Variants in ZSWIM6 observed in about 807,000 individuals in gnomAD.
The protein encoded by ZSWIM6 is zinc finger SWIM domain-containing protein 6.
ZSWIM6 carries 9 observed loss-of-function variants against 113.2 expected under a neutral mutation model. That is an observed-to-expected ratio of 0.08 (90% CI 0.05 to 0.14). ZSWIM6 has a LOEUF of 0.14. ZSWIM6 is among the 10% of genes least tolerant of loss of function. The probability of loss-of-function intolerance (pLI) is 1.00; values close to 1 mark genes in which losing one functional copy is unlikely to be tolerated. For missense variants in ZSWIM6, 1,162 were observed against 1,552.2 expected, an observed-to-expected ratio of 0.75 and a Z score of 4.22; for synonymous variants, 611 against 606.5, an observed-to-expected ratio of 1.01 and a Z score of -0.11.
chr5:61,447,416 C>A (rs754667600), intron 1 of ZSWIM6, among the ~76,000 whole-genome samples: 6 of 152,214 alleles, frequency 3.9e-5, no homozygotes, highest in Admixed American at 3.3e-4. Flanking sequence ...GCTTTCCTCT[C>A]TCAGTCAGTT....
chr5:61,340,703 G>A (rs1744524916), intron 1 of ZSWIM6, among the ~76,000 whole-genome samples: 1 of 152,248 alleles, frequency 6.6e-6, no homozygotes, highest in Non-Finnish European at 1.5e-5. Flanking sequence ...TTTTCCTACT[G>A]TTTGGGCCGT....
At chr5:61,507,678 C>T (rs1748659920) in intron 4 of ZSWIM6, among the ~76,000 whole-genome samples, 1 of 152,008 alleles carries the variant, frequency 6.6e-6, no homozygotes, top group African/African-American at 2.4e-5. Context: ...TGTAGATGGA[C>T]CTGTGTAAGT....
chr5:61,453,378 C>CTTTTTTT (rs60097146), intron 1 of ZSWIM6, among the ~76,000 whole-genome samples: 1 of 135,900 alleles, frequency 7.4e-6, no homozygotes, highest in African/African-American at 2.7e-5. Flanking sequence ...CTCTCTCTCT[C>CTTTTTTT]TTTTTTTTTT....
chr5:61,366,892 T>TA (rs1745166152), intron 1 of ZSWIM6, among the ~76,000 whole-genome samples: 3 of 147,948 alleles, frequency 2.0e-5, no homozygotes, highest in South Asian at 4.2e-4. Context: ...CTTGCCACTG[T>TA]ACTCCAGCTT....
chr5:61,437,164 A>G (rs1746726147), intron 1 of ZSWIM6, among the ~76,000 whole-genome samples: 1 of 152,210 alleles, frequency 6.6e-6, no homozygotes, highest in Non-Finnish European at 1.5e-5. Flanking sequence ...TTCCTTGGGA[A>G]CTTGTAAAAG....
chr5:61,441,251 T>G (rs1193899691), intron 1 of ZSWIM6, among the ~76,000 whole-genome samples: 1 of 152,186 alleles, frequency 6.6e-6, no homozygotes, highest in African/African-American at 2.4e-5. Context: ...TTTCCTTTTT[T>G]TCTCTCAGCC....
At chr5:61,391,428 C>T (rs1051460703) in intron 1 of ZSWIM6, 2 of 1,071,236 alleles carry the variant, frequency 1.9e-6, no homozygotes, top group South Asian at 1.2e-5. Flanking sequence ...TGCTGAAGTC[C>T]TTCTCCAGCT....
chr5:61,418,153 G>A lies in ZSWIM6; in HGVS notation c.677-54528G>A, dbSNP rs927500572. On this transcript the variant is annotated intron_variant, in intron 1 of 13. Coordinates refer to ENST00000252744, the MANE Select transcript of ZSWIM6 (RefSeq NM_020928.2). ...ATGTAGATTATGCTAAAGGAATGGG[G>A]AATGATAACTGCTTTGTTCATAGCA... Among the ~76,000 whole-genome samples the A allele has an allele frequency of 3.9e-5, 6 of 152,288 alleles. No individual in the cohort carries two copies. The East Asian group carries it at 9.6e-4, about 24-fold the overall frequency.
At chr5:61,352,224 C>G (rs992269004) in intron 1 of ZSWIM6, among the ~76,000 whole-genome samples, 3 of 152,196 alleles carry the variant, frequency 2.0e-5, no homozygotes, top group Non-Finnish European at 2.9e-5. Flanking sequence ...GAGAAATAAT[C>G]CTGGCAACAA....
chr5:61,449,092 G>T (rs540100775), intron 1 of ZSWIM6, among the ~76,000 whole-genome samples: 23 of 152,234 alleles, frequency 1.5e-4, no homozygotes, highest in Non-Finnish European at 3.4e-4. Context: ...TTGACTCCTG[G>T]TAAGTGTTTT....
chr5:61,366,124 G>A (rs1038852981), intron 1 of ZSWIM6, among the ~76,000 whole-genome samples: 1 of 152,070 alleles, frequency 6.6e-6, no homozygotes. Flanking sequence ...TGAACTCCTG[G>A]GCTCTCAGCG....
intron 1 of ZSWIM6, among the ~76,000 whole-genome samples, chr5:61,389,291 CA>C (rs1745651690): frequency 6.6e-6 from 1 of 151,422 alleles, no homozygotes; most frequent in Admixed American, 6.6e-5. Flanking sequence ...CGCGGTAGCT[CA>C]TGCCTGTAAT....
chr5:61,349,587 T>G (rs1744739861), intron 1 of ZSWIM6, among the ~76,000 whole-genome samples: 1 of 152,174 alleles, frequency 6.6e-6, no homozygotes. Flanking sequence ...AAATACCGTG[T>G]AGGGTTTCTT....
At chr5:61,495,160 A>G (rs1748282888) in intron 4 of ZSWIM6, among the ~76,000 whole-genome samples, 1 of 152,178 alleles carries the variant, frequency 6.6e-6, no homozygotes, top group Non-Finnish European at 1.5e-5. Context: ...AATGTTGTCT[A>G]TATTTACTAG....
intron 1 of ZSWIM6, among the ~76,000 whole-genome samples, chr5:61,341,961 C>G (rs1020671992): frequency 6.7e-6 from 1 of 149,414 alleles, no homozygotes. Flanking sequence ...CTTACTGCAG[C>G]CTCTGCCTCC....
At chr5:61,527,155 G>T (rs1749307650) in intron 7 of ZSWIM6, among the ~76,000 whole-genome samples, 1 of 152,094 alleles carries the variant, frequency 6.6e-6, no homozygotes, top group Non-Finnish European at 1.5e-5. Context: ...ATTGCAAAGG[G>T]TTGAATTACA....
chr5:61,333,387 GCC>G (rs1744311030), intron 1 of ZSWIM6, among the ~76,000 whole-genome samples: 2 of 151,848 alleles, frequency 1.3e-5, no homozygotes, highest in Admixed American at 6.5e-5. Flanking sequence ...GCCGGCCGCG[GCC>G]CGGCCGCTCG....
intron 2 of ZSWIM6, among the ~76,000 whole-genome samples, chr5:61,480,042 T>A (rs1488568317): frequency 6.6e-6 from 1 of 152,176 alleles, no homozygotes; most frequent in Non-Finnish European, 1.5e-5. Context: ...CTGAGAACTT[T>A]GCACTTAAAT....
At chr5:61,392,405 T>A (rs1291894074) in intron 1 of ZSWIM6, among the ~76,000 whole-genome samples, 2 of 152,198 alleles carry the variant, frequency 1.3e-5, no homozygotes, top group East Asian at 3.8e-4. Flanking sequence ...AAATCTATCT[T>A]TCTGTAGGGA....
Sources: allele counts gnomAD v4.1 joint callset (sites outside exome capture counted in the v4.1 genomes callset), GRCh38; gene constraint gnomAD v4.1.1; transcripts MANE v1.5; gene names NCBI Gene and HGNC (gene_info 2026-07-23, HGNC 2026-07-21).